Variants in OGDH observed in about 807,000 individuals in gnomAD.
OGDH encodes the protein oxoglutarate dehydrogenase, also known as 2-oxoglutarate dehydrogenase complex component E1.
OGDH carries 38 observed loss-of-function variants against 116.6 expected under a neutral mutation model. The observed-to-expected ratio is 0.33, with a 90% CI of 0.25 to 0.43. OGDH has a LOEUF of 0.43. OGDH is among the 20% of genes least tolerant of loss of function. The pLI is 1.00. For missense variants in OGDH, 825 were observed against 1,357.2 expected, an observed-to-expected ratio of 0.61 and a Z score of 6.16; for synonymous variants, 488 against 533.3, an observed-to-expected ratio of 0.92 and a Z score of 1.17.
At chr7:44,616,847 GTATATATATACACA>G (rs1784818926) in intron 1 of OGDH, among the ~76,000 whole-genome samples, 1 of 122,170 alleles carries the variant, frequency 8.2e-6, no homozygotes, top group Non-Finnish European at 1.7e-5. Context: ...ACATATACGT[GTATATATATACACA>G]TATATATATA....
intron 2 of OGDH, among the ~76,000 whole-genome samples, chr7:44,644,827 C>G (rs1282818009): frequency 2.0e-5 from 3 of 152,184 alleles, no homozygotes; most frequent in African/African-American, 7.2e-5. Flanking sequence ...GTGCTGAGCC[C>G]TTGGGGCCTT....
At chr7:44,651,955 C>G (rs1370336394) in intron 4 of OGDH, among the ~76,000 whole-genome samples, 1 of 151,892 alleles carries the variant, frequency 6.6e-6, no homozygotes, top group African/African-American at 2.4e-5. Context: ...CCACCTGCCT[C>G]CGCCTCCCAA....
intron 1 of OGDH, among the ~76,000 whole-genome samples, chr7:44,622,378 TA>T: frequency 6.6e-6 from 1 of 152,252 alleles, no homozygotes; most frequent in South Asian, 2.1e-4. Context: ...AACCCAGGGG[TA>T]AAGATTGCAT....
chr7:44,656,350 C>G, intron 4 of OGDH: 1 of 1,535,954 alleles, frequency 6.5e-7, no homozygotes, highest in Non-Finnish European at 8.7e-7. Flanking sequence ...ACTTCGAATG[C>G]TAACAGTAGG....
Position 44,611,703 on chromosome 7 carries a change from G to A in OGDH, c.-28+5050G>A, listed in dbSNP as rs547286854. Among the ~76,000 whole-genome samples, 20 of 152,038 alleles carry A rather than the reference G, an allele frequency of 1.3e-4. No individual in the cohort carries two copies. The East Asian group carries it at 3.9e-3, about 29-fold the overall frequency. On this transcript the variant is annotated intron_variant, in intron 1 of 22. Transcript: ENST00000222673. ...CAGGATTACAGGCGTGAGCCACTGCGCCTGGCCACTTTTATAAAATTTTTA... is the reference window on the plus strand; with the variant it reads ...CAGGATTACAGGCGTGAGCCACTGCACCTGGCCACTTTTATAAAATTTTTA...
chr7:44,647,919 G>A (rs1210101419), intron 4 of OGDH, among the ~76,000 whole-genome samples, 160 bp downstream of exon 4: 1 of 152,180 alleles, frequency 6.6e-6, no homozygotes, highest in Non-Finnish European at 1.5e-5. Context: ...TGTGTTTTGG[G>A]CAAGTTATTT....
intron 20 of OGDH, among the ~76,000 whole-genome samples, chr7:44,702,546 T>C (rs1788880306): frequency 1.3e-5 from 2 of 152,144 alleles, no homozygotes; most frequent in South Asian, 4.1e-4. Flanking sequence ...CCCTTGTTTT[T>C]TGGGGGTTTT....
In OGDH at chr7:44,674,009, C is replaced by T. The variant is rs532923372; in HGVS notation, c.788+68C>T. On this transcript the variant is annotated intron_variant, in intron 6 of 22. Coordinates refer to ENST00000222673, the MANE Select transcript of OGDH (RefSeq NM_002541.4). ...AAGCAGTGACCCTGTCTGTGTTGAT[C>T]GGGCCTGTGTGCAGCCTGTTGGCCG... 3.0e-5 allele frequency: 48 copies of T among 1,588,896 alleles called. No homozygotes were observed. In the African/African-American group the frequency reaches 5.6e-4, roughly 19 times the overall value.
chr7:44,619,308 G>A (rs367737845), intron 1 of OGDH, among the ~76,000 whole-genome samples: 2 of 152,164 alleles, frequency 1.3e-5, no homozygotes, highest in Admixed American at 1.3e-4. Flanking sequence ...GGGGGCTTGC[G>A]ATTGACATCG....
chr7:44,667,680 G>A (rs1303888016), intron 5 of OGDH, among the ~76,000 whole-genome samples: 1 of 152,170 alleles, frequency 6.6e-6, no homozygotes, highest in Non-Finnish European at 1.5e-5. Context: ...GCCTCCCTCA[G>A]TATAAGGGTG....
chr7:44,612,150 G>C (rs1273093181), intron 1 of OGDH, among the ~76,000 whole-genome samples: 2 of 152,142 alleles, frequency 1.3e-5, no homozygotes, highest in Admixed American at 6.6e-5. Context: ...GTTTGTTTGA[G>C]AAGACTGTTT....
chr7:44,694,780 A>T lies in OGDH; in HGVS notation c.1668+204A>T, dbSNP rs1788507135. ...ATGCTTTATAAAGGAAGTGGGCCTT[A>T]AACAGTGTTTTGGGGAAGGGAAGGG... On this transcript the variant is annotated intron_variant, in intron 12 of 22. Transcript: ENST00000222673. This position sits in a 1 kb window ranked among gnomAD's most constrained non-coding sequence, Gnocchi z 4.2. 6.6e-6 allele frequency among the ~76,000 whole-genome samples: 1 copy of T among 152,216 alleles called. No homozygotes were observed. Among genetic ancestry groups the T allele is most frequent in the Non-Finnish European group, 1.5e-5 (1 of 68,040 alleles).
At chr7:44,608,364 C>T (rs1294562048) in intron 1 of OGDH, among the ~76,000 whole-genome samples, 2 of 152,004 alleles carry the variant, frequency 1.3e-5, no homozygotes, top group African/African-American at 4.8e-5. Flanking sequence ...GCCATTATTG[C>T]CCCACTGCAC....
intron 1 of OGDH, among the ~76,000 whole-genome samples, chr7:44,610,549 A>T (rs529577155): frequency 1.8e-4 from 28 of 151,472 alleles, no homozygotes; most frequent in Admixed American, 5.3e-4. Context: ...CGATCTGTCC[A>T]CCTCAGCCTC....
chr7:44,640,897 T>C (rs1456686661), intron 2 of OGDH, among the ~76,000 whole-genome samples: 8 of 146,502 alleles, frequency 5.5e-5, no homozygotes, highest in Non-Finnish European at 1.2e-4. Flanking sequence ...TTTTGTGGGT[T>C]TTTTTTTTTT....
chr7:44,664,086 T>C (rs573841891), intron 4 of OGDH, among the ~76,000 whole-genome samples: 9 of 152,258 alleles, frequency 5.9e-5, no homozygotes, highest in South Asian at 2.1e-4. Flanking sequence ...TTATGAATTA[T>C]AGTTTATTGA....
intron 2 of OGDH, among the ~76,000 whole-genome samples, chr7:44,627,599 T>G (rs538200305): frequency 6.6e-6 from 1 of 152,254 alleles, no homozygotes; most frequent in Non-Finnish European, 1.5e-5. Context: ...TAAACTCATA[T>G]AGCAGAAAAG....
intron 4 of OGDH, among the ~76,000 whole-genome samples, chr7:44,664,282 G>A (rs946392073): frequency 6.6e-6 from 1 of 151,584 alleles, no homozygotes. Flanking sequence ...TAGGGGAAGG[G>A]GCTGATGCAT....
intron 2 of OGDH, among the ~76,000 whole-genome samples, 172 bp from the exon 3 acceptor site, chr7:44,645,155 G>A (rs981196954): frequency 1.3e-5 from 2 of 152,168 alleles, no homozygotes; most frequent in Non-Finnish European, 1.5e-5. Context: ...CCTGAATGCT[G>A]AGAGAAACCC....
Sources: gnomAD v4.1 joint callset for allele counts (sites outside exome capture counted in the v4.1 genomes callset) on GRCh38, gnomAD v4.1.1 for gene constraint, Gnocchi (gnomAD v3.1) non-coding constraint, MANE v1.5 for transcripts, NCBI Gene and HGNC (gene_info 2026-07-23, HGNC 2026-07-21) for gene names.